Variants in CRIM1 observed in about 807,000 individuals in gnomAD.
CRIM1 encodes the protein cysteine-rich motor neuron 1 protein.
CRIM1 carries 32 observed loss-of-function variants against 116.4 expected under a neutral mutation model. The ratio of observed to expected loss-of-function variants is 0.27; its 90% CI spans 0.21 to 0.37. CRIM1 has a LOEUF of 0.37. CRIM1 is among the 10% of genes least tolerant of loss of function. CRIM1 has a pLI of 1.00. For missense variants in CRIM1, 1,331 were observed against 1,354.8 expected, an observed-to-expected ratio of 0.98 and a Z score of 0.28; for synonymous variants, 590 against 509.2, an observed-to-expected ratio of 1.16 and a Z score of -2.13.
At chr2:36,539,612 T>C (rs1666803238) in intron 14 of CRIM1, among the ~76,000 whole-genome samples, 2 of 152,008 alleles carry the variant, frequency 1.3e-5, no homozygotes. Flanking sequence ...TGGAGACTTT[T>C]TTAAGAATCC....
intron 8 of CRIM1, among the ~76,000 whole-genome samples, chr2:36,500,286 C>T (rs551373558): frequency 1.3e-4 from 20 of 152,266 alleles, no homozygotes; most frequent in Non-Finnish European, 2.5e-4. Flanking sequence ...GAGCTGAGAG[C>T]GCATTACTGC....
chr2:36,507,204 A>C (rs1218519486), intron 8 of CRIM1, among the ~76,000 whole-genome samples: 3 of 152,208 alleles, frequency 2.0e-5, no homozygotes, highest in Non-Finnish European at 4.4e-5. Context: ...ATTTCTCTTA[A>C]GAAAACTTCA....
rs932101088 is a variant in CRIM1 at position 36,509,967 on chromosome 2, C to T, written c.1502-16C>T. On this transcript the variant is annotated splice_polypyrimidine_tract_variant and intron_variant, in intron 8 of 16. Coordinates refer to ENST00000280527, the MANE Select transcript of CRIM1 (RefSeq NM_016441.3). ...TTCATCTTTGGAAGAAACATGCCGT[C>T]TCTGTGTCTTCACAGCCGAGGAACT... is the stretch of plus-strand genomic sequence containing the variant. The T allele has an allele frequency of 1.2e-6, 2 of 1,611,436 alleles. No homozygotes were observed. The highest frequency in any genetic ancestry group is 2.2e-5 in the East Asian group (1 of 44,874).
At chr2:36,460,315 T>C (rs2124996689) in intron 4 of CRIM1, among the ~76,000 whole-genome samples, 1 of 152,352 alleles carries the variant, frequency 6.6e-6, no homozygotes, top group East Asian at 1.9e-4. Context: ...TCCATTTATA[T>C]GAACTATCCA....
intron 2 of CRIM1, among the ~76,000 whole-genome samples, chr2:36,432,178 G>T (rs1674944954): frequency 6.6e-6 from 1 of 152,274 alleles, no homozygotes; most frequent in South Asian, 2.1e-4. Context: ...GTGGGTCAGT[G>T]TTTATGGCAA....
At chr2:36,468,194 G>A (rs187700900) in intron 5 of CRIM1, among the ~76,000 whole-genome samples, 9 of 152,246 alleles carry the variant, frequency 5.9e-5, no homozygotes, top group Admixed American at 3.3e-4. Context: ...ATGCACTGCC[G>A]CACTCACTTC....
At chr2:36,444,686 C>G (rs539464746) in intron 4 of CRIM1, among the ~76,000 whole-genome samples, 59 of 152,314 alleles carry the variant, frequency 3.9e-4, no homozygotes, top group African/African-American at 1.4e-3. Flanking sequence ...TCTCACAGCT[C>G]TTTAGTTTCC....
intron 2 of CRIM1, among the ~76,000 whole-genome samples, chr2:36,415,251 A>G (rs1014853207): frequency 6.6e-6 from 1 of 152,182 alleles, no homozygotes; most frequent in Non-Finnish European, 1.5e-5. Context: ...GGGAGTCAAA[A>G]TTACCTGCTT....
intron 6 of CRIM1, among the ~76,000 whole-genome samples, chr2:36,479,044 T>C (rs946737436): frequency 6.6e-6 from 1 of 152,168 alleles, no homozygotes; most frequent in Admixed American, 6.5e-5. Flanking sequence ...GTACATGAGA[T>C]AGAGTTTTAG....
rs1412713512 is a variant in CRIM1, at chr2:36,356,774, C to T, written c.331+151C>T. 3 of 737,546 alleles carry T rather than the reference C, an allele frequency of 4.1e-6. No homozygotes were observed. Among genetic ancestry groups the T allele is most frequent in the African/African-American group, 1.8e-5 (1 of 56,198 alleles). 45.7% of individuals were successfully genotyped at this position (737,546 alleles called of 1,614,324 possible). A position where few individuals can be genotyped will look rare whatever the true frequency, so the allele number is the denominator to read the frequency against. On this transcript the variant is annotated intron_variant, in intron 1 of 16. Transcript: ENST00000280527. This position sits in a 1 kb window ranked among gnomAD's most constrained non-coding sequence, Gnocchi z 4.3. ...CGCCGCCCCCAGGAGAGTGCCCCCG[C>T]GGCCCTGCGTTCCCTCTCCTTGTTC... is the stretch of plus-strand genomic sequence containing the variant.
At chr2:36,438,539 C>G (rs1006053046) in intron 2 of CRIM1, among the ~76,000 whole-genome samples, 1 of 152,158 alleles carries the variant, frequency 6.6e-6, no homozygotes, top group Non-Finnish European at 1.5e-5. Flanking sequence ...TCTCTTCTCA[C>G]GGCAGTTCCT....
chr2:36,537,581 G>A, intron 14 of CRIM1, 35 bp downstream of exon 14: 1 of 1,551,264 alleles, frequency 6.4e-7, no homozygotes, highest in Non-Finnish European at 8.7e-7. Flanking sequence ...TTGTCAAGCT[G>A]TAATGTTGAT....
At chr2:36,459,142 C>T (rs796258900) in intron 4 of CRIM1, among the ~76,000 whole-genome samples, 7 of 152,098 alleles carry the variant, frequency 4.6e-5, no homozygotes, top group African/African-American at 1.7e-4. Context: ...CCAGGCTTTG[C>T]GCATCTAGGC....
At chr2:36,467,123 T>C (rs146948470) in intron 5 of CRIM1, among the ~76,000 whole-genome samples, 1 of 150,384 alleles carries the variant, frequency 6.6e-6, no homozygotes, top group East Asian at 1.9e-4. Flanking sequence ...ATTTGCCATC[T>C]GTCCTGAGAA....
chr2:36,473,659 C>T (rs1052488120), intron 5 of CRIM1, among the ~76,000 whole-genome samples: 3 of 152,108 alleles, frequency 2.0e-5, no homozygotes, highest in African/African-American at 7.2e-5. Context: ...TTTCACTTAG[C>T]ATAATATTTT....
At chr2:36,489,617 A>G (rs1009836979) in intron 7 of CRIM1, among the ~76,000 whole-genome samples, 2 of 152,210 alleles carry the variant, frequency 1.3e-5, no homozygotes, top group African/African-American at 2.4e-5. Flanking sequence ...TACTGTTGAC[A>G]TATGTTTGAG....
chr2:36,464,592 C>T lies in CRIM1; in HGVS notation c.928C>T (p.Arg310Cys), dbSNP rs376440984. ...FPVCEVGSTP[R>C]IVSRGDGTPG... ...CGTGTGTGAGGTGGGATCCACTCCC[C>T]GCATAGTCTCTCGTGGCGATGGGAC... The change falls in exon 5 of 17, where the codon CGC (arginine) becomes TGC (cysteine). Residue 310 changes from arginine to cysteine, a missense_variant. Transcript: ENST00000280527. The T allele has an allele frequency of 9.9e-6, 16 of 1,613,962 alleles. 1 individual carries two copies. Among genetic ancestry groups the T allele is most frequent in the Middle Eastern group, 3.3e-4 (2 of 6,084 alleles).
chr2:36,511,997 C>G (rs750360223), intron 9 of CRIM1, among the ~76,000 whole-genome samples: 1 of 152,210 alleles, frequency 6.6e-6, no homozygotes, highest in African/African-American at 2.4e-5. Context: ...TGGTGTACCA[C>G]TCTCCCTAAT....
intron 2 of CRIM1, among the ~76,000 whole-genome samples, chr2:36,431,805 C>G (rs1278369319): frequency 6.6e-6 from 1 of 152,168 alleles, no homozygotes; most frequent in Non-Finnish European, 1.5e-5. Context: ...AAGGGCCAGC[C>G]CCTCATTTTA....
Sources: allele counts gnomAD v4.1 joint callset (sites outside exome capture counted in the v4.1 genomes callset), GRCh38; gene constraint gnomAD v4.1.1; non-coding constraint Gnocchi (gnomAD v3.1); transcripts MANE v1.5; gene names NCBI Gene and HGNC (gene_info 2026-07-23, HGNC 2026-07-21).